Variants in FAM184B observed in about 807,000 individuals in gnomAD.
The protein encoded by FAM184B is protein FAM184B.
In FAM184B, 111 loss-of-function variants were observed where a neutral mutation model predicts 135.9. The ratio of observed to expected loss-of-function variants is 0.82; its 90% CI spans 0.70 to 0.96. The LOEUF is 0.96. FAM184B is among the 40% of genes least tolerant of loss of function. FAM184B has a pLI of 0.00. For synonymous variants in FAM184B, 552 were observed against 524.8 expected, an observed-to-expected ratio of 1.05 and a Z score of -0.71; for missense variants, 1,375 against 1,323.9, an observed-to-expected ratio of 1.04 and a Z score of -0.60.
chr4:17,685,681 A>G (rs1014896623), intron 7 of FAM184B, among the ~76,000 whole-genome samples: 4 of 152,024 alleles, frequency 2.6e-5, no homozygotes, highest in African/African-American at 9.7e-5. Flanking sequence ...GTGGTTCTCA[A>G]CTGGGGATAA....
chr4:17,675,629 T>C lies in FAM184B; in HGVS notation c.1597-10970A>G, dbSNP rs531863804. ...AAGTCCTAGATGGCATCTTCTAATATAAGGCTGTTTTGTCTACATTGAAAA... is the reference window on the plus strand; with the variant it reads ...AAGTCCTAGATGGCATCTTCTAATACAAGGCTGTTTTGTCTACATTGAAAA... On this transcript the variant is annotated intron_variant, in intron 7 of 17. Coordinates refer to ENST00000265018, the MANE Select transcript of FAM184B (RefSeq NM_015688.2). Among the ~76,000 whole-genome samples, 16 of 152,338 alleles carry C rather than the reference T, an allele frequency of 1.1e-4. No individual in the cohort carries two copies. The East Asian group carries it at 2.9e-3, about 28-fold the overall frequency.
chr4:17,752,596 T>A (rs1403932832), intron 1 of FAM184B, among the ~76,000 whole-genome samples: 2 of 152,054 alleles, frequency 1.3e-5, no homozygotes, highest in Admixed American at 1.3e-4. Flanking sequence ...TCATGGACCG[T>A]GAGGGCAGAA....
chr4:17,647,758 G>C lies in FAM184B; in HGVS notation c.2225C>G (p.Ala742Gly). 2 of 1,550,820 alleles carry C rather than the reference G, an allele frequency of 1.3e-6. No homozygotes were observed. The highest frequency in any genetic ancestry group is 1.7e-6 in the Non-Finnish European group (2 of 1,146,978). Residue 742 changes from alanine (A) to glycine (G), a missense_variant, in exon 12 of 18, where the codon GCT (alanine) becomes GGT (glycine). Coordinates refer to ENST00000265018, the MANE Select transcript of FAM184B (RefSeq NM_015688.2). ...SLRQELSEQQ[A>G]ACSGHQKDLE... ...GTCCTTCTGGTGCCCAGAACAGGCA[G>C]CTTGCTGCTCCGACAGCTCCTGTCT...
intron 9 of FAM184B, among the ~76,000 whole-genome samples, chr4:17,659,529 C>T (rs1006459097): frequency 1.3e-5 from 2 of 152,030 alleles, no homozygotes; most frequent in African/African-American, 4.8e-5. Context: ...CTCTGTCACC[C>T]AGGCTGGAGT....
In FAM184B at chr4:17,664,628, G is replaced by A. The variant is rs201486941; in HGVS notation, c.1628C>T (p.Pro543Leu). 4.3e-4 allele frequency: 666 copies of A among 1,550,482 alleles called. 3 individuals carry two copies. The highest frequency in any genetic ancestry group is 8.4e-4 in the Middle Eastern group (5 of 5,986). The change falls in exon 8 of 18, where the codon CCG (proline) becomes CTG (leucine). Residue 543 changes from proline (P) to leucine (L), a missense_variant. Physicochemically the swap from Pro to Leu is moderately conservative, Grantham distance 98 (BLOSUM62 -3). Coordinates refer to ENST00000265018, the MANE Select transcript of FAM184B (RefSeq NM_015688.2). The stretch of plus-strand genomic sequence containing the variant: ...CTTATCTTGATACTCCTCTCCTCTC[G>A]GCGAAGTTTCATCCAGCTTCAAGCA... ...DPCLKLDETSPRGEEYQDKLA... is the reference protein window; with the variant it reads ...DPCLKLDETSLRGEEYQDKLA...
intron 12 of FAM184B, among the ~76,000 whole-genome samples, chr4:17,645,536 G>A (rs1321740892): frequency 2.0e-5 from 3 of 152,100 alleles, no homozygotes; most frequent in Non-Finnish European, 4.4e-5. Flanking sequence ...GTAGAAAGCT[G>A]AAACTGGATC....
At position 17,713,912 on chromosome 4, in the gene FAM184B, G is replaced by T. The variant is rs145502068; in HGVS notation, c.142-4268C>A. On this transcript the variant is annotated intron_variant, in intron 1 of 17. Coordinates refer to ENST00000265018, the MANE Select transcript of FAM184B (RefSeq NM_015688.2). ...AGACAAGAAAATGGAAAGTTTCAAT[G>T]CACTGCGATGAGTACTACGAGAGGA... Among the ~76,000 whole-genome samples, 320 of 152,262 alleles carry T rather than the reference G, an allele frequency of 2.1e-3. 1 individual carries two copies. The highest frequency in any genetic ancestry group is 6.5e-3 in the African/African-American group (268 of 41,542).
intron 10 of FAM184B, among the ~76,000 whole-genome samples, chr4:17,657,444 T>G (rs1715801331): frequency 6.6e-6 from 1 of 152,112 alleles, no homozygotes. Flanking sequence ...TCTCCCTTGG[T>G]TTGCTCCCTT....
rs146387112 is a variant in FAM184B, at chr4:17,728,051, G to C, written c.142-18407C>G. Among the ~76,000 whole-genome samples, 129 of 152,302 alleles carry C rather than the reference G, an allele frequency of 8.5e-4. 2 individuals carry two copies. The highest frequency in any genetic ancestry group is 2.9e-3 in the African/African-American group (121 of 41,570). ...CCAGCACTTTCAAAGGCTGAGGTGG[G>C]AGGATCACTTAAATCTAGGAGTCTG... On this transcript the variant is annotated intron_variant, in intron 1 of 17. Coordinates refer to ENST00000265018, the MANE Select transcript of FAM184B (RefSeq NM_015688.2).
At chr4:17,648,597 A>G (rs747260679) in intron 11 of FAM184B, among the ~76,000 whole-genome samples, 8 of 151,158 alleles carry the variant, frequency 5.3e-5, no homozygotes, top group Non-Finnish European at 1.2e-4. Context: ...CAAGTGATCC[A>G]CCCACATTAG....
intron 13 of FAM184B, among the ~76,000 whole-genome samples, chr4:17,639,986 GC>G (rs1270020325): frequency 6.6e-6 from 1 of 151,654 alleles, no homozygotes; most frequent in Non-Finnish European, 1.5e-5. Flanking sequence ...CCAGCACCAG[GC>G]CCAGCCAATT....
At chr4:17,663,528 C>G (rs565290587) in intron 8 of FAM184B, among the ~76,000 whole-genome samples, 5 of 152,178 alleles carry the variant, frequency 3.3e-5, no homozygotes, top group Non-Finnish European at 7.4e-5. Flanking sequence ...TCTCAAGATA[C>G]AAAATTGATG....
intron 1 of FAM184B, among the ~76,000 whole-genome samples, chr4:17,762,420 C>T (rs1409520435): frequency 6.6e-6 from 1 of 152,184 alleles, no homozygotes; most frequent in Non-Finnish European, 1.5e-5. Context: ...CTAAGGGGAT[C>T]TGCCCTAGCT....
chr4:17,724,392 TG>T (rs1266088630), intron 1 of FAM184B, among the ~76,000 whole-genome samples: 2 of 152,200 alleles, frequency 1.3e-5, no homozygotes, highest in East Asian at 3.9e-4. Flanking sequence ...TACAGAAGCC[TG>T]GGACACAGCC....
chr4:17,737,868 CTGCTGAGGA>C (rs1717946410), intron 1 of FAM184B, among the ~76,000 whole-genome samples: 1 of 152,170 alleles, frequency 6.6e-6, no homozygotes, highest in African/African-American at 2.4e-5. Flanking sequence ...ACCATACTAG[CTGCTGAGGA>C]ACGCAAAGAT....
chr4:17,641,139 G>A (rs930062326), intron 13 of FAM184B, among the ~76,000 whole-genome samples: 1 of 152,076 alleles, frequency 6.6e-6, no homozygotes. Context: ...TCACTATGTT[G>A]CCCAGGCTGG....
At chr4:17,664,537 C>T (rs1386504149) in intron 8 of FAM184B, 25 bp downstream of exon 8, 3 of 1,515,246 alleles carry the variant, frequency 2.0e-6, no homozygotes, top group African/African-American at 1.4e-5. Flanking sequence ...ATGGAGCACT[C>T]AGAAGTCTGC....
At chr4:17,644,060 TCAGG>T (rs1429224136) in intron 12 of FAM184B, among the ~76,000 whole-genome samples, 1 of 152,024 alleles carries the variant, frequency 6.6e-6, no homozygotes, top group Non-Finnish European at 1.5e-5. Flanking sequence ...GGGCAGCATC[TCAGG>T]CAGGAGGAGT....
intron 1 of FAM184B, among the ~76,000 whole-genome samples, chr4:17,761,365 G>C (rs1292289048): frequency 6.6e-6 from 1 of 152,166 alleles, no homozygotes; most frequent in African/African-American, 2.4e-5. Flanking sequence ...CCAGTACCTT[G>C]AGCTTGGACT....
Sources: gnomAD v4.1 joint callset for allele counts (sites outside exome capture counted in the v4.1 genomes callset) on GRCh38, gnomAD v4.1.1 for gene constraint, MANE v1.5 for transcripts, NCBI Gene and HGNC (gene_info 2026-07-23, HGNC 2026-07-21) for gene names.